Variants in GRK2 observed in about 807,000 individuals in gnomAD.
GRK2 encodes the protein adrenergic beta receptor kinase 1.
GRK2 carries 23 observed loss-of-function variants against 97.8 expected under a neutral mutation model. The ratio of observed to expected loss-of-function variants is 0.24; its 90% CI spans 0.17 to 0.33. The LOEUF (loss-of-function observed/expected upper bound fraction) is 0.33, where lower values mean the gene tolerates loss of function less well. Among genes scored for constraint, GRK2 ranks in the 10% least tolerant of loss-of-function variants. The pLI, the probability that GRK2 is intolerant of heterozygous loss-of-function variation, is 1.00. For synonymous variants in GRK2, 425 were observed against 381.7 expected (o/e 1.11, Z -1.32); for missense variants, 633 against 956.9 (o/e 0.66, Z 4.47).
intron 15 of GRK2, 62 bp from the exon 16 acceptor site, chr11:67,283,645 T>A: frequency 6.5e-7 from 1 of 1,547,742 alleles, no homozygotes; most frequent in Non-Finnish European, 8.9e-7. Flanking sequence ...AGTGGCTCAA[T>A]CAGGAGTTAA....
chr11:67,285,639 GC>G lies in GRK2; in HGVS notation c.*192del. 1.4e-6 allele frequency: 1 copy of G among 704,682 alleles called. No individual in the cohort carries two copies. The highest frequency in any genetic ancestry group is 2.2e-6 in the Non-Finnish European group (1 of 447,068). The allele number at this position is 704,682 out of a possible 1,614,324, so 43.7% of individuals were successfully genotyped here. On this transcript the variant is annotated 3_prime_UTR_variant, in exon 21 of 21. Transcript: ENST00000308595. ...TGCACCAACCCAGCCGCTGCCCGGCGCCCTCTGTCCTGACTTCAGGGGCTGC... is the reference window on the plus strand; with the variant it reads ...TGCACCAACCCAGCCGCTGCCCGGCGCCTCTGTCCTGACTTCAGGGGCTGC...
At chr11:67,284,042 C>A in intron 17 of GRK2, 93 bp downstream of exon 17, 1 of 1,409,380 alleles carries the variant, frequency 7.1e-7, no homozygotes, top group Non-Finnish European at 9.8e-7. Context: ...AGACCCTGTG[C>A]CAGCCCTGCC....
chr11:67,273,486 G>GTGCTCGCCCGTGC (rs1859955916), intron 1 of GRK2, among the ~76,000 whole-genome samples: 1 of 152,172 alleles, frequency 6.6e-6, no homozygotes, highest in Non-Finnish European at 1.5e-5. Context: ...TCCCACCCCT[G>GTGCTCGCCCGTGC]TGCTCGCCCG....
chr11:67,272,691 C>G (rs950981128), intron 1 of GRK2, among the ~76,000 whole-genome samples: 28 of 152,250 alleles, frequency 1.8e-4, no homozygotes, highest in African/African-American at 6.8e-4. Context: ...ACTGACTGCT[C>G]CTTCCCAAAG....
At chr11:67,267,419 C>G (rs1486635418) in intron 1 of GRK2, among the ~76,000 whole-genome samples, 3 of 152,226 alleles carry the variant, frequency 2.0e-5, no homozygotes, top group African/African-American at 7.2e-5. Flanking sequence ...TGGAGTTGGG[C>G]TCGAGAGTGC....
chr11:67,285,573 C>A lies in GRK2; in HGVS notation c.*123C>A. The stretch of plus-strand genomic sequence containing the variant: ...GTGATTTCCCGTGGCCCCAGCCTGG[C>A]CCAGCTCCCCCGGGAGGGGCCCGCT... On this transcript the variant is annotated 3_prime_UTR_variant, in exon 21 of 21. Transcript: ENST00000308595. 7.9e-7 allele frequency: 1 copy of A among 1,270,512 alleles called. No individual in the cohort carries two copies. Among genetic ancestry groups the A allele is most frequent in the African/African-American group, 1.5e-5 (1 of 66,082 alleles). The allele number at this position is 1,270,512 out of a possible 1,614,324, so 78.7% of individuals were successfully genotyped here.
chr11:67,284,191 G>A lies in GRK2; in HGVS notation c.1492-20G>A, dbSNP rs1263037818. 1.2e-6 allele frequency: 2 copies of A among 1,613,448 alleles called. No individual in the cohort carries two copies. The highest frequency in any genetic ancestry group is 1.3e-5 in the African/African-American group (1 of 75,030). ...CATCTCTGTCCACCCATGTGCCCCT[G>A]CCCCATCCACCTGGTAAAGTTACTG... On this transcript the variant is annotated intron_variant, in intron 17 of 20. Transcript: ENST00000308595.
At chr11:67,279,045 TAGC>T (rs1860090221) in intron 2 of GRK2, among the ~76,000 whole-genome samples, 152 bp from the exon 3 acceptor site, 2 of 152,202 alleles carry the variant, frequency 1.3e-5, no homozygotes, top group Non-Finnish European at 2.9e-5. Context: ...GCAGCAGCCT[TAGC>T]AGCTGCCTGG....
intron 15 of GRK2, 123 bp downstream of exon 15, chr11:67,283,351 C>A: frequency 2.3e-6 from 2 of 862,100 alleles, no homozygotes; most frequent in Non-Finnish European, 3.8e-6. Flanking sequence ...TAAGTTGGGG[C>A]ATGGCCAGCC....
rs530662946 is a variant in GRK2, at chr11:67,276,653, T to G, written c.114-619T>G. 6.6e-6 allele frequency: 1 copy of G among 152,374 alleles called. No individual in the cohort carries two copies. Among genetic ancestry groups the G allele is most frequent in the African/African-American group, 2.4e-5 (1 of 41,570 alleles). The allele number at this position is 152,374 out of a possible 1,614,324, so 9.4% of individuals were successfully genotyped here. On this transcript the variant is annotated intron_variant, in intron 1 of 20. Transcript: ENST00000308595. This position sits in a 1 kb window ranked among gnomAD's most constrained non-coding sequence, Gnocchi z 4.2. ...GTGTTTTTTAGTACATTGACCGTGTTGTGCAACCCTTACCCCAAAAAGAAA... is the reference window on the plus strand; with the variant it reads ...GTGTTTTTTAGTACATTGACCGTGTGGTGCAACCCTTACCCCAAAAAGAAA...
intron 1 of GRK2, among the ~76,000 whole-genome samples, chr11:67,272,551 C>T (rs1043516234): frequency 1.3e-5 from 2 of 152,164 alleles, no homozygotes; most frequent in African/African-American, 4.8e-5. Flanking sequence ...GGAAGTGCTC[C>T]CTCAGCACCC....
chr11:67,277,978 T>C (rs1336902198), intron 2 of GRK2, among the ~76,000 whole-genome samples: 5 of 152,092 alleles, frequency 3.3e-5, no homozygotes, highest in Non-Finnish European at 5.9e-5. Flanking sequence ...GGATCAGGCA[T>C]TGGGGGTCAG....
At chr11:67,270,279 G>A (rs896726178) in intron 1 of GRK2, among the ~76,000 whole-genome samples, 1 of 152,054 alleles carries the variant, frequency 6.6e-6, no homozygotes, top group Non-Finnish European at 1.5e-5. Flanking sequence ...CTGCCTGGGC[G>A]CTCCCAGGAG....
chr11:67,280,939 A>T, intron 7 of GRK2, 154 bp from the exon 8 acceptor site: 1 of 1,124,584 alleles, frequency 8.9e-7, no homozygotes, highest in South Asian at 1.3e-5. Flanking sequence ...GGATCCCAGC[A>T]TGGGGAGGCC....
rs373208645 is a variant in GRK2, at chr11:67,279,821, T to G, written c.442-18T>G. Reference sequence around the variant, plus strand: ...GTCTCTCGGGGCTCAGTCACCAACTTCCAGCTTCCTCCCTTAGCCATACAT... The same window carrying G: ...GTCTCTCGGGGCTCAGTCACCAACTGCCAGCTTCCTCCCTTAGCCATACAT... On this transcript the variant is annotated intron_variant, in intron 5 of 20. Coordinates refer to ENST00000308595, the MANE Select transcript of GRK2 (RefSeq NM_001619.5). The G allele has an allele frequency of 1.9e-6, 3 of 1,613,912 alleles. No individual in the cohort carries two copies. The highest frequency in any genetic ancestry group is 2.5e-6 in the Non-Finnish European group (3 of 1,179,972).
chr11:67,285,323 G>A lies in GRK2; in HGVS notation c.1943G>A (p.Arg648His), dbSNP rs749373224. 16 of 1,610,008 alleles carry A rather than the reference G, an allele frequency of 9.9e-6. No individual in the cohort carries two copies. Among genetic ancestry groups the A allele is most frequent in the Middle Eastern group, 3.3e-4 (2 of 6,022 alleles). Reference sequence around the variant, plus strand: ...CTGGTGCAGTGGAAGAAGGAGCTGCGCGACGCCTACCGCGAGGCCCAGCAG... The same window carrying A: ...CTGGTGCAGTGGAAGAAGGAGCTGCACGACGCCTACCGCGAGGCCCAGCAG... ...PELVQWKKEL[R>H]DAYREAQQLV... The change falls in exon 21 of 21, where the codon CGC becomes CAC. Residue 648 changes from arginine (R) to histidine (H), a missense_variant. Transcript: ENST00000308595.
At chr11:67,277,949 G>A (rs139668270) in intron 2 of GRK2, among the ~76,000 whole-genome samples, 2 of 152,184 alleles carry the variant, frequency 1.3e-5, no homozygotes, top group South Asian at 4.1e-4. Context: ...CTCTGGACAG[G>A]GGGTATCCTG....
At chr11:67,272,300 C>T (rs966953461) in intron 1 of GRK2, among the ~76,000 whole-genome samples, 5 of 152,152 alleles carry the variant, frequency 3.3e-5, no homozygotes, top group Admixed American at 2.6e-4. Flanking sequence ...TAGTGGAGGC[C>T]GTTTCTCAGG....
In GRK2 at chr11:67,282,731, T is replaced by C. The variant is rs1436077422; in HGVS notation, c.1161-21T>C. The C allele has an allele frequency of 6.2e-7, 1 of 1,610,114 alleles. No homozygotes were observed. Among genetic ancestry groups the C allele is most frequent in the African/African-American group, 1.3e-5 (1 of 74,890 alleles). Reference sequence around the variant, plus strand: ...CCCCATTCCTGTCCTTTGACATTGGTTTTTGGCCTTTCTTGCCCAGGCACA... The same window carrying C: ...CCCCATTCCTGTCCTTTGACATTGGCTTTTGGCCTTTCTTGCCCAGGCACA... On this transcript the variant is annotated intron_variant, in intron 13 of 20. Coordinates refer to ENST00000308595, the MANE Select transcript of GRK2 (RefSeq NM_001619.5). The surrounding 1 kb of genome is among the most constrained non-coding windows in gnomAD (Gnocchi z 6.9).
Sources: allele counts gnomAD v4.1 joint callset (sites outside exome capture counted in the v4.1 genomes callset), GRCh38; gene constraint gnomAD v4.1.1; non-coding constraint Gnocchi (gnomAD v3.1); transcripts MANE v1.5; gene names NCBI Gene and HGNC (gene_info 2026-07-23, HGNC 2026-07-21).